Variants in GCNT2 observed in about 807,000 individuals in gnomAD.
GCNT2 encodes N-acetyllactosaminide beta-1,6-N-acetylglucosaminyl-transferase.
A neutral mutation model predicts 34.2 loss-of-function variants in GCNT2; 34 were observed. The ratio of observed to expected loss-of-function variants is 1.00; its 90% confidence interval spans 0.76 to 1.32. The LOEUF (loss-of-function observed/expected upper bound fraction) is 1.32, where lower values mean the gene tolerates loss of function less well. Ranked by LOEUF, GCNT2 falls within the 40% of genes most tolerant of loss-of-function variation. The pLI, the probability that GCNT2 is intolerant of heterozygous loss-of-function variation, is 0.00. For synonymous variants in GCNT2, 212 were observed against 188.0 expected (o/e 1.13, Z -1.04); for missense variants, 584 against 489.4 (o/e 1.19, Z -1.82).
chr6:10,571,880 AT>A (rs1328932921), intron 3 of GCNT2, among the ~76,000 whole-genome samples: 2 of 149,970 alleles, frequency 1.3e-5, no homozygotes, highest in African/African-American at 5.1e-5. Context: ...AGACTTAGTG[AT>A]GATTTGCACG....
At chr6:10,537,355 CGG>C (rs1581373508) in intron 3 of GCNT2, among the ~76,000 whole-genome samples, 2 of 152,070 alleles carry the variant, frequency 1.3e-5, no homozygotes, top group South Asian at 4.2e-4. Context: ...CGACTTACAG[CGG>C]GGTTACATCC....
intron 3 of GCNT2, chr6:10,582,018 G>A (rs9356869): frequency 0.36 from 68,349 of 188,896 alleles, 13,326 homozygotes; most frequent in East Asian, 0.61. Context: ...GTGTATATAT[G>A]TATATATCAT....
At chr6:10,604,955 G>A (rs1284139911) in intron 3 of GCNT2, among the ~76,000 whole-genome samples, 1 of 151,812 alleles carries the variant, frequency 6.6e-6, no homozygotes, top group Non-Finnish European at 1.5e-5. Flanking sequence ...TCCTAGCCCA[G>A]GCAACATAGC....
At chr6:10,618,936 T>C (rs1331303878) in intron 3 of GCNT2, among the ~76,000 whole-genome samples, 1 of 152,234 alleles carries the variant, frequency 6.6e-6, no homozygotes, top group African/African-American at 2.4e-5. Context: ...AGACTCATGC[T>C]GTTTACAGGA....
At chr6:10,537,580 A>G (rs1761820733) in intron 3 of GCNT2, among the ~76,000 whole-genome samples, 1 of 151,732 alleles carries the variant, frequency 6.6e-6, no homozygotes, top group South Asian at 2.1e-4. Context: ...GGGCACCTGT[A>G]ATCCCAGCTA....
rs1478621560 is a variant in GCNT2 at position 10,529,767 on chromosome 6, T to A, written c.856T>A (p.Leu286Ile). The part of the protein sequence containing the change: ...FVLQDQLALD[L>I]LSWSKDTYSP... ...CCTCCAAGACCAGCTCGCACTTGAC[T>A]TACTCTCCTGGTCCAAGGACACCTA... Residue 286 changes from leucine (L) to isoleucine (I), a missense_variant, in exon 3 of 5, where the codon TTA becomes ATA. By Grantham distance (5) the Leu-to-Ile change is conservative (BLOSUM62 2). Coordinates refer to ENST00000495262, the MANE Select transcript of GCNT2 (RefSeq NM_145649.5). 1 of 1,614,182 alleles carries A rather than the reference T, an allele frequency of 6.2e-7. No homozygotes were observed. The highest frequency in any genetic ancestry group is 8.5e-7 in the Non-Finnish European group (1 of 1,179,998).
chr6:10,582,239 T>G (rs1277863782), intron 3 of GCNT2, among the ~76,000 whole-genome samples: 2 of 122,248 alleles, frequency 1.6e-5, no homozygotes, highest in Non-Finnish European at 3.1e-5. Context: ...TATTTAAATA[T>G]ATAAAATATA....
At chr6:10,617,251 C>T (rs899342306) in intron 3 of GCNT2, among the ~76,000 whole-genome samples, 18 of 152,136 alleles carry the variant, frequency 1.2e-4, no homozygotes, top group African/African-American at 4.3e-4. Flanking sequence ...ACAGCAGCTG[C>T]TGGCGCAGGT....
intron 3 of GCNT2, among the ~76,000 whole-genome samples, chr6:10,582,096 ATC>A (rs1394865517): frequency 1.1e-4 from 15 of 142,678 alleles, no homozygotes; most frequent in Admixed American, 2.9e-4. Context: ...ACAAAAATAT[ATC>A]TCTTAAAGTA....
At position 10,535,900 on chromosome 6, in the gene GCNT2, G is replaced by A. The variant is rs148935074; in HGVS notation, c.925+6064G>A. ...TGTTTTTCCCCTGGAGCCAGCCTGC[G>A]GACTAGCCCTATTGGATATTCCATG... On this transcript the variant is annotated intron_variant, in intron 3 of 4. Coordinates refer to ENST00000495262, the MANE Select transcript of GCNT2 (RefSeq NM_145649.5). 2.0e-5 allele frequency among the ~76,000 whole-genome samples: 3 copies of A among 152,236 alleles called. No homozygotes were observed. In the East Asian group the frequency reaches 5.8e-4, roughly 29 times the overall value.
intron 3 of GCNT2, among the ~76,000 whole-genome samples, chr6:10,574,564 A>C (rs1763704831): frequency 6.6e-6 from 1 of 152,204 alleles, no homozygotes; most frequent in Non-Finnish European, 1.5e-5. Flanking sequence ...GGTGATTGTA[A>C]AGATCCCAAA....
At chr6:10,577,017 G>T (rs1315928461) in intron 3 of GCNT2, among the ~76,000 whole-genome samples, 1 of 152,218 alleles carries the variant, frequency 6.6e-6, no homozygotes, top group Non-Finnish European at 1.5e-5. Flanking sequence ...GTTCAAGGCT[G>T]CAGTGAGCTA....
chr6:10,596,826 C>T (rs1337970569), intron 3 of GCNT2, among the ~76,000 whole-genome samples: 1 of 151,352 alleles, frequency 6.6e-6, no homozygotes, highest in Admixed American at 6.6e-5. Flanking sequence ...ATGTATTTTC[C>T]ATTACTGCGT....
At chr6:10,612,921 G>A (rs924136259) in intron 3 of GCNT2, among the ~76,000 whole-genome samples, 1 of 152,214 alleles carries the variant, frequency 6.6e-6, no homozygotes, top group African/African-American at 2.4e-5. Flanking sequence ...AGTTATGGTG[G>A]CTTTTCCTAC....
At chr6:10,576,706 A>T (rs1763831583) in intron 3 of GCNT2, among the ~76,000 whole-genome samples, 1 of 151,074 alleles carries the variant, frequency 6.6e-6, no homozygotes, top group South Asian at 2.1e-4. Flanking sequence ...AGACACACAC[A>T]TAGAAAGAAG....
At chr6:10,522,527 G>C (rs944054959) in intron 1 of GCNT2, among the ~76,000 whole-genome samples, 1 of 152,158 alleles carries the variant, frequency 6.6e-6, no homozygotes, top group Admixed American at 6.5e-5. Context: ...AGAAGAAATA[G>C]GGAGACTGTA....
chr6:10,546,894 T>C (rs1171917080), intron 3 of GCNT2, among the ~76,000 whole-genome samples: 1 of 152,196 alleles, frequency 6.6e-6, no homozygotes, highest in Non-Finnish European at 1.5e-5. Flanking sequence ...ATTAATAATA[T>C]GTTGGTAATC....
At chr6:10,581,103 T>TTTGATATATTCAAAGATACCAAACAA (rs1764051874) in intron 3 of GCNT2, among the ~76,000 whole-genome samples, 1 of 152,140 alleles carries the variant, frequency 6.6e-6, no homozygotes, top group Admixed American at 6.5e-5. Context: ...CAATATACCA[T>TTTGATATATTCAAAGATACCAAACAA]TTGATATATT....
At chr6:10,624,213 T>C (rs1239611910) in intron 4 of GCNT2, among the ~76,000 whole-genome samples, 3 of 152,190 alleles carry the variant, frequency 2.0e-5, no homozygotes, top group Non-Finnish European at 4.4e-5. Context: ...CCAAGGTGTA[T>C]TAGTCCGTTT....
Sources: gnomAD v4.1 joint callset for allele counts (sites outside exome capture counted in the v4.1 genomes callset) on GRCh38, gnomAD v4.1.1 for gene constraint, MANE v1.5 for transcripts, NCBI Gene and HGNC (gene_info 2026-07-23, HGNC 2026-07-21) for gene names.